Variants in RBFOX1 observed in about 807,000 individuals in gnomAD.
RBFOX1 encodes RNA binding fox-1 homolog 1.
Under a neutral mutation model 57.7 loss-of-function variants are expected in RBFOX1, and 8 were observed. The ratio of observed to expected loss-of-function variants is 0.14; its 90% CI spans 0.08 to 0.25. The LOEUF (loss-of-function observed/expected upper bound fraction) is 0.25. Among genes scored for constraint, RBFOX1 ranks in the 10% least tolerant of loss-of-function variants. RBFOX1 has a pLI of 1.00. For synonymous variants in RBFOX1, 326 were observed against 222.4 expected (o/e 1.47, Z -4.15); for missense variants, 611 against 548.5 (o/e 1.11, Z -1.14).
intron 3 of RBFOX1, among the ~76,000 whole-genome samples, chr16:6,919,768 TC>T (rs1262740147): frequency 9.5e-6 from 1 of 105,708 alleles, no homozygotes; most frequent in Non-Finnish European, 1.9e-5. Context: ...CTAAGATCAT[TC>T]TTTTTTTTTT....
intron 1 of RBFOX1, among the ~76,000 whole-genome samples, chr16:6,304,242 C>G (rs1010205156): frequency 2.6e-5 from 4 of 151,852 alleles, no homozygotes; most frequent in Non-Finnish European, 5.9e-5. Flanking sequence ...GAGCCGAGAT[C>G]ATGCCATTGC....
chr16:7,283,842 C>G (rs2095596854), intron 4 of RBFOX1, among the ~76,000 whole-genome samples: 1 of 152,172 alleles, frequency 6.6e-6, no homozygotes, highest in African/African-American at 2.4e-5. Flanking sequence ...CACAGTTCTT[C>G]AAGTTTCAAT....
rs961798767 is a variant in RBFOX1 at position 6,020,172 on chromosome 16, CT to C, written c.-127+181del. Among the ~76,000 whole-genome samples, 46 of 152,162 alleles carry C rather than the reference CT, an allele frequency of 3.0e-4. No individual in the cohort carries two copies. In the East Asian group the frequency reaches 5.7e-3, roughly 19 times the overall value. On this transcript the variant is annotated intron_variant, in intron 1 of 15. Coordinates refer to ENST00000550418, the MANE Select transcript of RBFOX1 (RefSeq NM_018723.4). ...GAAAGATCTCGAGGCGTGTCCCCCC[CT>C]ACCCCCAGGAGGCCGAGACCCTGAG...
intron 3 of RBFOX1, among the ~76,000 whole-genome samples, chr16:6,756,949 T>G (rs955504237): frequency 1.2e-4 from 18 of 151,932 alleles, no homozygotes; most frequent in Non-Finnish European, 2.4e-4. Flanking sequence ...CACTCCAGCC[T>G]GGGCACCAAG....
Position 5,277,651 on chromosome 16 carries a change from A to G in RBFOX1, c.219+37546A>G, listed in dbSNP as rs1368720813. Among the ~76,000 whole-genome samples, 7 of 152,270 alleles carry G rather than the reference A, an allele frequency of 4.6e-5. No individual in the cohort carries two copies. The Middle Eastern group carries it at 0.017, about 370-fold the overall frequency. On this transcript the variant is annotated intron_variant, in intron 1 of 2. Coordinates refer to the RBFOX1 transcript ENST00000585867. ...ATATAGCTCCAGGGCACACAAGTCCATAACTGCGGTCTCTATCCCTGACCC... is the reference window on the plus strand; with the variant it reads ...ATATAGCTCCAGGGCACACAAGTCCGTAACTGCGGTCTCTATCCCTGACCC...
At chr16:7,494,732 G>A (rs2068021667) in intron 4 of RBFOX1, among the ~76,000 whole-genome samples, 3 of 151,804 alleles carry the variant, frequency 2.0e-5, no homozygotes, top group Middle Eastern at 6.8e-3. Context: ...TGAACAACAG[G>A]CCTTCTGAGT....
At chr16:6,101,968 C>T (rs1046289272) in intron 1 of RBFOX1, among the ~76,000 whole-genome samples, 1 of 152,054 alleles carries the variant, frequency 6.6e-6, no homozygotes, top group Admixed American at 6.6e-5. Flanking sequence ...AGGGTGGGAG[C>T]TGATTGCTTT....
At chr16:7,275,044 G>C (rs1385219740) in intron 4 of RBFOX1, among the ~76,000 whole-genome samples, 2 of 152,162 alleles carry the variant, frequency 1.3e-5, no homozygotes, top group Non-Finnish European at 2.9e-5. Context: ...TGGTCGAAGG[G>C]TGGTGGAGAG....
intron 4 of RBFOX1, among the ~76,000 whole-genome samples, chr16:5,937,529 T>C (rs2059191929): frequency 6.6e-6 from 1 of 151,862 alleles, no homozygotes; most frequent in Non-Finnish European, 1.5e-5. Context: ...CTATATGATA[T>C]ATAGTTACAT....
At chr16:6,222,913 A>G (rs1234844929) in intron 1 of RBFOX1, among the ~76,000 whole-genome samples, 1 of 151,540 alleles carries the variant, frequency 6.6e-6, no homozygotes, top group Non-Finnish European at 1.5e-5. Flanking sequence ...ATGTGTTCTC[A>G]TTGTTCAATT....
chr16:7,348,265 G>C (rs186396749), intron 4 of RBFOX1, among the ~76,000 whole-genome samples: 1 of 152,172 alleles, frequency 6.6e-6, no homozygotes, highest in African/African-American at 2.4e-5. Context: ...TATGTATCCT[G>C]GATTTCTTTG....
At chr16:5,751,659 T>G (rs1567491538) in intron 3 of RBFOX1, among the ~76,000 whole-genome samples, 1 of 152,124 alleles carries the variant, frequency 6.6e-6, no homozygotes, top group Non-Finnish European at 1.5e-5. Context: ...GTGAGGAGCA[T>G]TTGGAAGTGG....
At chr16:7,618,330 T>C (rs1243435534) in intron 10 of RBFOX1, among the ~76,000 whole-genome samples, 1 of 152,208 alleles carries the variant, frequency 6.6e-6, no homozygotes, top group African/African-American at 2.4e-5. Context: ...TTAAGACTTG[T>C]ATTATTACTA....
intron 4 of RBFOX1, among the ~76,000 whole-genome samples, chr16:7,265,294 G>T (rs960040005): frequency 5.9e-5 from 9 of 151,710 alleles, no homozygotes; most frequent in African/African-American, 9.7e-5. Context: ...GGTCTCGGTG[G>T]CTTATGGATG....
intron 6 of RBFOX1, among the ~76,000 whole-genome samples, chr16:7,584,545 C>G (rs7191557): frequency 0.013 from 2,021 of 152,316 alleles, 47 homozygotes; most frequent in African/African-American, 0.046. Flanking sequence ...CCCGCCTCAG[C>G]CTCCCACAGT....
chr16:5,929,404 T>C (rs1468709581), intron 4 of RBFOX1, among the ~76,000 whole-genome samples: 1 of 152,132 alleles, frequency 6.6e-6, no homozygotes, highest in Non-Finnish European at 1.5e-5. Flanking sequence ...GGAAAGAGAA[T>C]TGGGTTCAAA....
At chr16:6,509,826 C>A (rs896054049) in intron 2 of RBFOX1, among the ~76,000 whole-genome samples, 5 of 152,062 alleles carry the variant, frequency 3.3e-5, no homozygotes, top group African/African-American at 1.2e-4. Flanking sequence ...ACCATGTTCT[C>A]CCAAACATGA....
At chr16:6,785,249 T>G (rs543485795) in intron 3 of RBFOX1, among the ~76,000 whole-genome samples, 1 of 152,248 alleles carries the variant, frequency 6.6e-6, no homozygotes, top group Non-Finnish European at 1.5e-5. Flanking sequence ...GTAACTAACA[T>G]AAGAGTTTAT....
At chr16:7,080,042 G>GTATATATATACATATTA (rs1555455699) in intron 4 of RBFOX1, among the ~76,000 whole-genome samples, 2 of 142,082 alleles carry the variant, frequency 1.4e-5, no homozygotes, top group African/African-American at 5.3e-5. Context: ...GTATATAGAT[G>GTATATATATACATATTA]TATATATATA....
Sources: gnomAD v4.1 joint callset for allele counts (sites outside exome capture counted in the v4.1 genomes callset) on GRCh38, gnomAD v4.1.1 for gene constraint, MANE v1.5 for transcripts, NCBI Gene and HGNC (gene_info 2026-07-23, HGNC 2026-07-21) for gene names.